Variants in PPHLN1 observed in about 807,000 individuals in gnomAD.
PPHLN1 encodes periphilin 1.
Under a neutral mutation model 51.3 loss-of-function variants are expected in PPHLN1, and 29 were observed. The ratio of observed to expected loss-of-function variants is 0.57; its 90% CI spans 0.42 to 0.77. The LOEUF is 0.77. Ranked by LOEUF, PPHLN1 falls within the 30% of genes least tolerant of loss-of-function variation. The probability of loss-of-function intolerance (pLI) is 0.00; values close to 1 mark genes in which losing one functional copy is unlikely to be tolerated. For synonymous variants in PPHLN1, 147 were observed against 147.8 expected, an observed-to-expected ratio of 0.99 and a Z score of 0.04; for missense variants, 436 against 438.4, an observed-to-expected ratio of 0.99 and a Z score of 0.05.
intron 2 of PPHLN1, among the ~76,000 whole-genome samples, chr12:42,349,266 A>G (rs2072838835): frequency 6.6e-6 from 1 of 152,236 alleles, no homozygotes; most frequent in Non-Finnish European, 1.5e-5. Flanking sequence ...ACGGTACTAA[A>G]CACTTTGCAT....
chr12:42,391,542 C>T (rs1020069733), intron 7 of PPHLN1, among the ~76,000 whole-genome samples: 4 of 152,146 alleles, frequency 2.6e-5, no homozygotes, highest in African/African-American at 9.7e-5. Context: ...CTGCTCCCAG[C>T]TGCTTCATTC....
intron 9 of PPHLN1, among the ~76,000 whole-genome samples, chr12:42,427,654 T>C (rs949257679): frequency 2.6e-5 from 4 of 152,272 alleles, no homozygotes; most frequent in African/African-American, 9.6e-5. Context: ...ACTATAAAAA[T>C]TGTAGAAGAC....
chr12:42,347,515 C>T (rs1272596313), intron 2 of PPHLN1, among the ~76,000 whole-genome samples: 3 of 152,314 alleles, frequency 2.0e-5, no homozygotes, highest in East Asian at 1.9e-4. Flanking sequence ...CGCAGTGGCT[C>T]ATGCCTGTAA....
chr12:42,365,260 T>G (rs1421583949), intron 4 of PPHLN1, among the ~76,000 whole-genome samples: 1 of 152,262 alleles, frequency 6.6e-6, no homozygotes, highest in African/African-American at 2.4e-5. Context: ...TTTCTCAAAA[T>G]AATTCTTGAA....
intron 9 of PPHLN1, among the ~76,000 whole-genome samples, chr12:42,407,443 A>G (rs1300849758): frequency 6.6e-6 from 1 of 152,190 alleles, no homozygotes; most frequent in Non-Finnish European, 1.5e-5. Flanking sequence ...CTAGTGACCT[A>G]AGAGTAAAAG....
At chr12:42,397,761 G>A (rs1047464075) in intron 8 of PPHLN1, among the ~76,000 whole-genome samples, 3 of 152,038 alleles carry the variant, frequency 2.0e-5, no homozygotes, top group Non-Finnish European at 4.4e-5. Flanking sequence ...TTTTGAGACA[G>A]TGTCTGGCTC....
At chr12:42,364,136 A>AT (rs1243473442) in intron 4 of PPHLN1, among the ~76,000 whole-genome samples, 1 of 152,186 alleles carries the variant, frequency 6.6e-6, no homozygotes, top group Non-Finnish European at 1.5e-5. Flanking sequence ...AGGCATGAGA[A>AT]TTGCTTGAAC....
intron 5 of PPHLN1, among the ~76,000 whole-genome samples, chr12:42,376,794 T>TAAA (rs1231270530): frequency 6.6e-6 from 1 of 152,046 alleles, no homozygotes; most frequent in Non-Finnish European, 1.5e-5. Flanking sequence ...TCTCTAAAAA[T>TAAA]AAATAAATAA....
chr12:42,351,868 C>CTT lies in PPHLN1; in HGVS notation c.73-13_73-12dup. 8 of 1,534,760 alleles carry CTT rather than the reference C, an allele frequency of 5.2e-6. No homozygotes were observed. Among genetic ancestry groups the CTT allele is most frequent in the Non-Finnish European group, 6.9e-6 (8 of 1,151,592 alleles). On this transcript the variant is annotated splice_polypyrimidine_tract_variant and intron_variant, in intron 2 of 9. Transcript: ENST00000358314. ...AGAAATTAGTCATTTGTATATATTT[C>CTT]TTTTTGTCTGTTTTAGGATGGCTAC...
At chr12:42,393,777 A>G (rs1376931) in intron 8 of PPHLN1, 88 bp downstream of exon 8, 471,187 of 1,308,596 alleles carry the variant, frequency 0.36, 86,375 homozygotes, top group Middle Eastern at 0.39. Context: ...GTTTATTCCT[A>G]TACTTCAAAA....
At chr12:42,413,843 G>A (rs1459480142) in intron 9 of PPHLN1, among the ~76,000 whole-genome samples, 2 of 151,962 alleles carry the variant, frequency 1.3e-5, no homozygotes, top group Non-Finnish European at 2.9e-5. Flanking sequence ...GATTACAGGT[G>A]TGAGCCACTG....
chr12:42,371,984 C>T (rs752569035), intron 4 of PPHLN1, among the ~76,000 whole-genome samples: 1 of 152,032 alleles, frequency 6.6e-6, no homozygotes, highest in Non-Finnish European at 1.5e-5. Flanking sequence ...TACAAAGTTA[C>T]CTTTGTAGCT....
chr12:42,377,330 G>A (rs1174892025), intron 5 of PPHLN1, among the ~76,000 whole-genome samples: 6 of 144,488 alleles, frequency 4.2e-5, no homozygotes, highest in African/African-American at 1.6e-4. Flanking sequence ...TGTCTGAGAC[G>A]GAGTCTTGCT....
intron 9 of PPHLN1, among the ~76,000 whole-genome samples, chr12:42,419,180 A>G (rs773227246): frequency 1.6e-4 from 24 of 152,182 alleles, no homozygotes; most frequent in Non-Finnish European, 2.2e-4. Flanking sequence ...TTAATAGTTT[A>G]AATTCTTTCA....
chr12:42,433,257 ATTTATTT>A (rs1371419671), intron 9 of PPHLN1: 1 of 703,236 alleles, frequency 1.4e-6, no homozygotes, highest in Non-Finnish European at 2.7e-6. Context: ...TCCTTCACTA[ATTTATTT>A]TTTTATATCA....
At chr12:42,331,436 T>C (rs2069716680) in intron 1 of PPHLN1, among the ~76,000 whole-genome samples, 1 of 152,218 alleles carries the variant, frequency 6.6e-6, no homozygotes, top group Non-Finnish European at 1.5e-5. Flanking sequence ...GACTTTGTTT[T>C]CTCAATTTCC....
chr12:42,332,861 A>G lies in PPHLN1; in HGVS notation c.-20-3022A>G, dbSNP rs148519665. 3.2e-3 allele frequency among the ~76,000 whole-genome samples: 482 copies of G among 152,084 alleles called. 9 individuals are homozygous for G. The highest frequency in any genetic ancestry group is 0.03 in the Admixed American group (455 of 15,280). Reference sequence around the variant, plus strand: ...ATTACAAAACCTTATTTTTATTTACATTCTCCTTTAGTATATTAATTTACA... The same window carrying G: ...ATTACAAAACCTTATTTTTATTTACGTTCTCCTTTAGTATATTAATTTACA... On this transcript the variant is annotated intron_variant, in intron 1 of 9. Transcript: ENST00000358314.
chr12:42,330,956 G>C (rs1044873035), intron 1 of PPHLN1, among the ~76,000 whole-genome samples: 1 of 152,152 alleles, frequency 6.6e-6, no homozygotes, highest in Non-Finnish European at 1.5e-5. Context: ...TGATCCGCGC[G>C]CCTCGGCCTC....
downstream of PPHLN1, chr12:42,442,823 C>T (rs1258883467): frequency 1.1e-5 from 17 of 1,594,974 alleles, no homozygotes; most frequent in Non-Finnish European, 9.4e-6. Context: ...AACAGCTATC[C>T]ACACAACAGA....
Sources: allele counts gnomAD v4.1 joint callset (sites outside exome capture counted in the v4.1 genomes callset), GRCh38; gene constraint gnomAD v4.1.1; transcripts MANE v1.5; gene names NCBI Gene and HGNC (gene_info 2026-07-23, HGNC 2026-07-21).